Variants in FAM161B observed in about 807,000 individuals in gnomAD.
FAM161B encodes the protein protein FAM161B.
A neutral mutation model predicts 61.5 loss-of-function variants in FAM161B; 46 were observed. The ratio of observed to expected loss-of-function variants is 0.75; its 90% CI spans 0.59 to 0.96. The LOEUF (loss-of-function observed/expected upper bound fraction) is 0.96, where lower values mean the gene tolerates loss of function less well. FAM161B is among the 40% of genes least tolerant of loss of function. The probability of loss-of-function intolerance (pLI) is 0.00; values close to 1 mark genes in which losing one functional copy is unlikely to be tolerated. For missense variants in FAM161B, 774 were observed against 800.7 expected (o/e 0.97, Z 0.40); for synonymous variants, 284 against 302.7 (o/e 0.94, Z 0.64).
chr14:73,929,760 T>A (rs1406457399), downstream of FAM161B, among the ~76,000 whole-genome samples: 1 of 151,518 alleles, frequency 6.6e-6, no homozygotes, highest in Non-Finnish European at 1.5e-5. Context: ...GAGGCTGTAG[T>A]GAGCCATGAT....
At chr14:73,931,485 G>C (rs764554684), downstream of FAM161B, 1 of 1,605,184 alleles carries the variant, frequency 6.2e-7, no homozygotes. Context: ...TTCTAGATTT[G>C]CTTTCAATCT....
chr14:73,939,306 A>T (rs80302378), intron 5 of FAM161B, among the ~76,000 whole-genome samples: 2,092 of 152,194 alleles, frequency 0.014, 23 homozygotes, highest in African/African-American at 0.04. Context: ...CTCGAAAAAA[A>T]ATATATATAT....
Position 73,932,277 on chromosome 14 carries a change from CA to C in FAM161B, c.*1978del. On this transcript the variant is annotated 3_prime_UTR_variant, in exon 9 of 9. Coordinates refer to ENST00000286544, the MANE Select transcript of FAM161B (RefSeq NM_152445.3). Reference sequence around the variant, plus strand: ...CTTTAAATAAACAAAACAGCCCAGTCAGTTCTTTGGCTCTTGTTTTATACAA... The same window carrying C: ...CTTTAAATAAACAAAACAGCCCAGTCGTTCTTTGGCTCTTGTTTTATACAA... 1 of 331,618 alleles carries C rather than the reference CA, an allele frequency of 3.0e-6. No homozygotes were observed. The highest frequency in any genetic ancestry group is 5.9e-6 in the Non-Finnish European group (1 of 170,060). 20.5% of individuals were successfully genotyped at this position (331,618 alleles called of 1,614,324 possible).
downstream of FAM161B, chr14:73,927,302 C>A (rs2055848541): frequency 6.2e-6 from 1 of 161,150 alleles, no homozygotes; most frequent in African/African-American, 2.4e-5. Context: ...TGGTCTTGAA[C>A]TCCTGACCTC....
At chr14:73,942,795 C>T (rs1192750875) in intron 3 of FAM161B, 80 bp from the exon 4 acceptor site, 2 of 1,305,702 alleles carry the variant, frequency 1.5e-6, no homozygotes, top group African/African-American at 3.0e-5. Context: ...CTCTTTTACA[C>T]ACTAGCTGTA....
chr14:73,931,588 T>G (rs1351080723), downstream of FAM161B: 2 of 1,575,754 alleles, frequency 1.3e-6, no homozygotes, highest in East Asian at 2.2e-5. Flanking sequence ...GATCTCAAAA[T>G]GCGTATACTG....
chr14:73,924,780 G>A, the FAM161B span: 77 of 403,644 alleles, frequency 1.9e-4, no homozygotes, highest in African/African-American at 9.8e-4. Context: ...AGGTTCAAGC[G>A]ATTCTCCTGC....
chr14:73,941,049 GA>G lies in FAM161B; in HGVS notation c.1276del (p.Ser426ProfsTer15). 7 of 1,611,640 alleles carry G rather than the reference GA, an allele frequency of 4.3e-6. No individual in the cohort carries two copies. The highest frequency in any genetic ancestry group is 5.9e-6 in the Non-Finnish European group (7 of 1,178,694). On this transcript the variant is annotated frameshift_variant, in exon 5 of 9. Coordinates refer to ENST00000286544, the MANE Select transcript of FAM161B (RefSeq NM_152445.3). LOFTEE classifies it high-confidence loss of function. ...CAGGGGTGTAGCTGGTGGCTGTGGG[GA>G]ATCCTAGAAGAAACAAAGGTTGGTA... ...DAATTGRRQDSPQPPATPLPR... is the reference protein window; with the variant it reads ...DAATTGRRQDXPQPPATPLPR...
intron 8 of FAM161B, 25 bp from the exon 9 acceptor site, chr14:73,934,419 A>AAAC: frequency 6.3e-7 from 1 of 1,586,780 alleles, no homozygotes; most frequent in Non-Finnish European, 8.5e-7. Flanking sequence ...AAAACATGAA[A>AAAC]AACAAAAAAA....
At chr14:73,939,555 T>G (rs2055999716) in intron 5 of FAM161B, among the ~76,000 whole-genome samples, 1 of 152,148 alleles carries the variant, frequency 6.6e-6, no homozygotes, top group Admixed American at 6.5e-5. Flanking sequence ...GAAAAGCCCC[T>G]ATTGGACCAG....
At chr14:73,925,139 CTTTTT>C in the FAM161B span, among the ~76,000 whole-genome samples, 1 of 92,348 alleles carries the variant, frequency 1.1e-5, no homozygotes, top group African/African-American at 3.1e-5. Flanking sequence ...CAGGACTTTT[CTTTTT>C]ATTGTTGTGA....
chr14:73,946,558 C>A lies in FAM161B; in HGVS notation c.102G>T (p.Leu34=), dbSNP rs2056069220. ...TGGGCAAAACCAGCCCATCCCCGGA[C>A]AGCTCCTCTCCTGCCTCTGTGTCTG... The part of the protein sequence containing the change: ...SFADTEAGEE[L]SGDGLVLPRA... Residue 34 remains leucine (L), a synonymous_variant, in exon 2 of 9, where the codon CTG becomes CTT. Coordinates refer to ENST00000286544, the MANE Select transcript of FAM161B (RefSeq NM_152445.3). 3.7e-6 allele frequency: 6 copies of A among 1,614,076 alleles called. No homozygotes were observed. Among genetic ancestry groups the A allele is most frequent in the Non-Finnish European group, 5.1e-6 (6 of 1,180,050 alleles).
chr14:73,923,610 C>G, the FAM161B span: 1 of 1,496,642 alleles, frequency 6.7e-7, no homozygotes, highest in Non-Finnish European at 9.0e-7. Context: ...TCTCCAGTTT[C>G]CATTTCCTGG....
Position 73,944,834 on chromosome 14 carries a change from A to C in FAM161B, c.426T>G (p.Ile142Met). The C allele has an allele frequency of 6.5e-7, 1 of 1,538,024 alleles. No homozygotes were observed. ...CSSLNNLPSN[I>M]PRPQTQPPSG... ...AGGGTGGCTGGGTCTGAGGCCTGGG[A>C]ATGTTGGAGGGAAGGTTGTTCAGGG... The change falls in exon 3 of 9, where the codon ATT (isoleucine) becomes ATG (methionine). Residue 142 changes from isoleucine (I) to methionine (M), a missense_variant. Transcript: ENST00000286544.
Position 73,942,280 on chromosome 14 carries a change from T to A in FAM161B, c.1272+89A>T, listed in dbSNP as rs1400039723. The A allele has an allele frequency of 3.7e-6, 5 of 1,336,924 alleles. No homozygotes were observed. In the East Asian group the frequency reaches 1.2e-4, roughly 31 times the overall value. 82.8% of individuals were successfully genotyped at this position (1,336,924 alleles called of 1,614,324 possible). ...TGTTTAAAAAAAAGATAGGAAAACC[T>A]TGTTGAGAAGTGCTTTCCAGGAAGA... On this transcript the variant is annotated intron_variant, in intron 4 of 8. Coordinates refer to ENST00000286544, the MANE Select transcript of FAM161B (RefSeq NM_152445.3).
At chr14:73,923,271 G>A in the FAM161B span, 2 of 1,126,602 alleles carry the variant, frequency 1.8e-6, no homozygotes, top group African/African-American at 1.6e-5. Context: ...TAACTTGGAA[G>A]AAATAGAGGA....
At chr14:73,949,835 C>T in intron 1 of FAM161B, 138 bp downstream of exon 1, 1 of 1,254,454 alleles carries the variant, frequency 8.0e-7, no homozygotes, top group South Asian at 1.5e-5. Context: ...AAGTCAGAGT[C>T]CGCCTCCTGG....
intron 2 of FAM161B, among the ~76,000 whole-genome samples, 163 bp from the exon 3 acceptor site, chr14:73,945,048 T>C (rs2056054784): frequency 6.6e-6 from 1 of 152,140 alleles, no homozygotes; most frequent in Admixed American, 6.6e-5. Flanking sequence ...CCACAGACAA[T>C]CCTGGCAGCC....
chr14:73,948,946 G>A (rs188812183), intron 1 of FAM161B, among the ~76,000 whole-genome samples: 2,045 of 151,868 alleles, frequency 0.013, 25 homozygotes, highest in Non-Finnish European at 0.022. Context: ...TTGAGACGGA[G>A]TCTCGCTCTG....
Sources: allele counts gnomAD v4.1 joint callset (sites outside exome capture counted in the v4.1 genomes callset), GRCh38; gene constraint gnomAD v4.1.1; transcripts MANE v1.5; gene names NCBI Gene and HGNC (gene_info 2026-07-23, HGNC 2026-07-21).